The following SHB variants were observed in gnomAD, a reference collection of about 807,000 sequenced individuals.
SHB encodes the protein SH2 domain-containing adapter protein B.
A neutral mutation model predicts 52.3 loss-of-function variants in SHB; 20 were observed. The observed-to-expected ratio is 0.38, with a 90% CI of 0.27 to 0.56. SHB has a LOEUF of 0.56. Ranked by LOEUF, SHB falls within the 20% of genes least tolerant of loss-of-function variation. SHB has a pLI of 0.71. For missense variants in SHB, 825 were observed against 723.3 expected (o/e 1.14, Z -1.61); for synonymous variants, 397 against 316.5 (o/e 1.25, Z -2.70).
At chr9:37,995,368 C>A (rs1289615347) in intron 2 of SHB, among the ~76,000 whole-genome samples, 2 of 148,826 alleles carry the variant, frequency 1.3e-5, no homozygotes, top group African/African-American at 4.9e-5. Flanking sequence ...TTAGCGCGAG[C>A]CCTCCTCTGC....
chr9:37,933,261 C>T (rs1015199588), intron 5 of SHB, among the ~76,000 whole-genome samples: 1 of 152,220 alleles, frequency 6.6e-6, no homozygotes, highest in Admixed American at 6.5e-5. Flanking sequence ...GAATAGTTTA[C>T]AATGTTCCCT....
At chr9:38,028,381 C>T (rs1459466423) in intron 1 of SHB, among the ~76,000 whole-genome samples, 3 of 152,308 alleles carry the variant, frequency 2.0e-5, no homozygotes, top group South Asian at 4.1e-4. Context: ...TAGTCCCTCA[C>T]GACTGGCTAG....
chr9:38,020,086 C>T (rs1821263935), intron 1 of SHB, among the ~76,000 whole-genome samples: 1 of 152,192 alleles, frequency 6.6e-6, no homozygotes, highest in Non-Finnish European at 1.5e-5. Flanking sequence ...AAACTGACCC[C>T]TCTTTGGGAA....
At chr9:38,065,996 C>G (rs1411268780) in intron 1 of SHB, among the ~76,000 whole-genome samples, 1 of 152,180 alleles carries the variant, frequency 6.6e-6, no homozygotes, top group African/African-American at 2.4e-5. Context: ...TCCTGTAACC[C>G]TGTAACACGA....
chr9:38,067,460 G>A (rs926441636), intron 1 of SHB, among the ~76,000 whole-genome samples: 1 of 152,300 alleles, frequency 6.6e-6, no homozygotes, highest in African/African-American at 2.4e-5. Context: ...ACACGCTGGA[G>A]ACAGCCGGTC....
intron 3 of SHB, among the ~76,000 whole-genome samples, chr9:37,973,489 C>T (rs1820615307): frequency 6.6e-6 from 1 of 152,236 alleles, no homozygotes; most frequent in African/African-American, 2.4e-5. Flanking sequence ...TCCCAAAGTG[C>T]CAGGACTACA....
rs558453686 is a variant in SHB at position 38,068,814 on chromosome 9, G to A, written c.-169C>T. 129 of 163,790 alleles carry A rather than the reference G, an allele frequency of 7.9e-4. No individual in the cohort carries two copies. The highest frequency in any genetic ancestry group is 1.2e-3 in the Non-Finnish European group (96 of 77,832). 10.1% of individuals were successfully genotyped at this position (163,790 alleles called of 1,614,324 possible). A position where few individuals can be genotyped will look rare whatever the true frequency, so the allele number is the denominator to read the frequency against. On this transcript the variant is annotated 5_prime_UTR_variant, in exon 1 of 6. Transcript: ENST00000377707. ...GTTCTTGCCGCCGCCGCCTCCTGCC[G>A]GCAGCTCTCTGGCTCCGGCGGCTGC...
At chr9:37,988,804 G>C (rs1243982680) in intron 2 of SHB, among the ~76,000 whole-genome samples, 3 of 152,202 alleles carry the variant, frequency 2.0e-5, no homozygotes, top group African/African-American at 7.2e-5. Flanking sequence ...TTGAAGGCCT[G>C]CATAGAACAA....
At chr9:37,989,722 T>G (rs1820858411) in intron 2 of SHB, among the ~76,000 whole-genome samples, 1 of 152,180 alleles carries the variant, frequency 6.6e-6, no homozygotes, top group African/African-American at 2.4e-5. Flanking sequence ...AACTCTAACG[T>G]CACTTCTTGT....
intron 5 of SHB, among the ~76,000 whole-genome samples, chr9:37,938,745 C>T (rs923863278): frequency 3.3e-5 from 5 of 152,220 alleles, no homozygotes; most frequent in South Asian, 2.1e-4. Flanking sequence ...CTGGCTCAGA[C>T]GGGAGACGCA....
At chr9:37,941,202 T>C (rs1832430495) in intron 5 of SHB, among the ~76,000 whole-genome samples, 1 of 152,138 alleles carries the variant, frequency 6.6e-6, no homozygotes, top group Admixed American at 6.5e-5. Flanking sequence ...CAATTTGCAA[T>C]GCACTGGGAC....
chr9:38,044,141 C>T (rs1288852107), intron 1 of SHB, among the ~76,000 whole-genome samples: 1 of 152,230 alleles, frequency 6.6e-6, no homozygotes, highest in Non-Finnish European at 1.5e-5. Context: ...CTCTCTAGCA[C>T]AAGGAAGCGC....
intron 3 of SHB, among the ~76,000 whole-genome samples, chr9:37,968,590 C>T (rs1317366080): frequency 1.3e-5 from 2 of 152,208 alleles, no homozygotes; most frequent in East Asian, 1.9e-4. Flanking sequence ...GTAACTTTCA[C>T]GGAGACAAAG....
chr9:37,989,934 C>T (rs1350320136), intron 2 of SHB, among the ~76,000 whole-genome samples: 1 of 152,182 alleles, frequency 6.6e-6, no homozygotes, highest in African/African-American at 2.4e-5. Context: ...ATGACACCAT[C>T]CACACAACCA....
chr9:38,068,574 C>T lies in SHB; in HGVS notation c.72G>A (p.Arg24=). The change falls in exon 1 of 6, where the codon CGG becomes CGA. Residue 24 remains arginine (R), a synonymous_variant. Transcript: ENST00000377707. ...SKTKSPPQPP[R]PDYREQRRRG... is the part of the protein sequence containing the mutation. ...GGCGCCGCTGCTCGCGGTAGTCTGG[C>T]CGCGGCGGCTGCGGGGGGCTCTTGG... 6.7e-7 allele frequency: 1 copy of T among 1,486,146 alleles called. No individual in the cohort carries two copies. Among genetic ancestry groups the T allele is most frequent in the Non-Finnish European group, 8.9e-7 (1 of 1,129,058 alleles). The allele number at this position is 1,486,146 out of a possible 1,614,324, so 92.1% of individuals were successfully genotyped here. A position where few individuals can be genotyped will look rare whatever the true frequency, so the allele number is the denominator to read the frequency against.
intron 1 of SHB, among the ~76,000 whole-genome samples, chr9:38,063,103 A>G (rs1821916235): frequency 6.6e-6 from 1 of 152,228 alleles, no homozygotes; most frequent in South Asian, 2.1e-4. Context: ...TTTGATACGC[A>G]GCATTTCTCT....
chr9:38,001,492 G>A (rs1821012276), intron 2 of SHB, among the ~76,000 whole-genome samples: 1 of 152,240 alleles, frequency 6.6e-6, no homozygotes, highest in African/African-American at 2.4e-5. Flanking sequence ...GCTCTTTGTG[G>A]GCTGGGGAGA....
chr9:37,921,820 A>G (rs1405449972), intron 5 of SHB, among the ~76,000 whole-genome samples: 1 of 152,236 alleles, frequency 6.6e-6, no homozygotes, highest in Non-Finnish European at 1.5e-5. Flanking sequence ...CGAAGAGACC[A>G]CAGATCTGTG....
chr9:38,066,490 G>A (rs987927244), intron 1 of SHB, among the ~76,000 whole-genome samples: 6 of 152,120 alleles, frequency 3.9e-5, no homozygotes, highest in African/African-American at 1.2e-4. Flanking sequence ...GTGGCTCCCA[G>A]GGAAATCTGC....
Sources: gnomAD v4.1 joint callset for allele counts (sites outside exome capture counted in the v4.1 genomes callset) on GRCh38, gnomAD v4.1.1 for gene constraint, MANE v1.5 for transcripts, NCBI Gene and HGNC (gene_info 2026-07-23, HGNC 2026-07-21) for gene names.